Variants in GRID2 observed in about 807,000 individuals in gnomAD.
GRID2 encodes glutamate receptor ionotropic, delta-2.
GRID2 carries 33 observed loss-of-function variants against 114.8 expected under a neutral mutation model. The ratio of observed to expected loss-of-function variants is 0.29; its 90% confidence interval spans 0.22 to 0.38. GRID2 has a LOEUF of 0.38. Among genes scored for constraint, GRID2 ranks in the 10% least tolerant of loss-of-function variants. The probability of loss-of-function intolerance (pLI) is 1.00; values close to 1 mark genes in which losing one functional copy is unlikely to be tolerated. For synonymous variants in GRID2, 505 were observed against 449.9 expected, an observed-to-expected ratio of 1.12 and a Z score of -1.55; for missense variants, 1,184 against 1,257.7, an observed-to-expected ratio of 0.94 and a Z score of 0.89.
intron 2 of GRID2, among the ~76,000 whole-genome samples, chr4:92,878,009 C>T (rs1226978517): frequency 6.6e-6 from 1 of 152,092 alleles, no homozygotes. Flanking sequence ...TACAAATACT[C>T]AATTTGTACC....
At chr4:93,604,813 T>G (rs1221625160) in intron 13 of GRID2, among the ~76,000 whole-genome samples, 1 of 152,220 alleles carries the variant, frequency 6.6e-6, no homozygotes, top group Non-Finnish European at 1.5e-5. Flanking sequence ...TGTTAGCAGT[T>G]TTTAGCAATA....
At chr4:92,868,009 T>C (rs1744997939) in intron 2 of GRID2, among the ~76,000 whole-genome samples, 1 of 151,740 alleles carries the variant, frequency 6.6e-6, no homozygotes, top group African/African-American at 2.4e-5. Flanking sequence ...CAAATGATAC[T>C]GAAAGGTTTT....
At chr4:93,536,339 A>G (rs1732070299) in intron 13 of GRID2, among the ~76,000 whole-genome samples, 2 of 151,948 alleles carry the variant, frequency 1.3e-5, no homozygotes, top group Non-Finnish European at 2.9e-5. Flanking sequence ...ATAGTATGAT[A>G]CTGGCATAAA....
intron 13 of GRID2, among the ~76,000 whole-genome samples, chr4:93,566,589 G>A (rs1283866766): frequency 6.6e-6 from 1 of 152,026 alleles, no homozygotes; most frequent in Non-Finnish European, 1.5e-5. Flanking sequence ...GGGCAAAATG[G>A]CAAAACCCTG....
chr4:92,749,556 G>T (rs1385878025), intron 2 of GRID2, among the ~76,000 whole-genome samples: 1 of 151,962 alleles, frequency 6.6e-6, no homozygotes, highest in African/African-American at 2.4e-5. Context: ...CTCGTGATCC[G>T]CCCGCCTCGG....
chr4:92,455,560 C>T (rs556223728), intron 1 of GRID2, among the ~76,000 whole-genome samples: 6 of 152,118 alleles, frequency 3.9e-5, no homozygotes, highest in African/African-American at 1.4e-4. Context: ...AGAGGGAAAC[C>T]GCACAGGAAG....
chr4:92,966,605 A>G (rs900612031), intron 2 of GRID2, among the ~76,000 whole-genome samples: 2 of 151,990 alleles, frequency 1.3e-5, no homozygotes, highest in East Asian at 1.9e-4. Context: ...GTGGTGAATA[A>G]GTCTCACAAG....
chr4:93,538,089 G>A (rs142059076), intron 13 of GRID2, among the ~76,000 whole-genome samples: 1 of 151,654 alleles, frequency 6.6e-6, no homozygotes, highest in Non-Finnish European at 1.5e-5. Flanking sequence ...ATTAAAAATT[G>A]TATACTCAAA....
chr4:93,537,923 A>G (rs569220766), intron 13 of GRID2, among the ~76,000 whole-genome samples: 1 of 151,910 alleles, frequency 6.6e-6, no homozygotes, highest in Non-Finnish European at 1.5e-5. Context: ...GCAGTTACTA[A>G]ACAAATTTTC....
At chr4:92,712,868 A>G (rs1735322530) in intron 2 of GRID2, among the ~76,000 whole-genome samples, 1 of 152,184 alleles carries the variant, frequency 6.6e-6, no homozygotes, top group South Asian at 2.1e-4. Flanking sequence ...AAATGTTAAT[A>G]TTTGAGATCT....
chr4:93,354,846 G>T, intron 8 of GRID2, among the ~76,000 whole-genome samples: 1 of 144,260 alleles, frequency 6.9e-6, no homozygotes, highest in Admixed American at 7.1e-5. Flanking sequence ...TATATAAAAT[G>T]TTCAATAAGG....
intron 2 of GRID2, among the ~76,000 whole-genome samples, chr4:93,064,281 T>G (rs981094951): frequency 1.3e-5 from 2 of 151,648 alleles, no homozygotes; most frequent in African/African-American, 4.8e-5. Context: ...ATGCCTTTTT[T>G]TGTGTGTAAC....
intron 1 of GRID2, among the ~76,000 whole-genome samples, chr4:92,363,592 A>T (rs1426017140): frequency 6.6e-6 from 1 of 151,696 alleles, no homozygotes; most frequent in Non-Finnish European, 1.5e-5. Flanking sequence ...ACGGTGATTC[A>T]TTTTTTTTCT....
chr4:93,529,382 C>T (rs1731229092), intron 13 of GRID2, among the ~76,000 whole-genome samples: 2 of 152,210 alleles, frequency 1.3e-5, no homozygotes, highest in Non-Finnish European at 2.9e-5. Context: ...GGTCCAGCTG[C>T]ATCAGCACCA....
intron 2 of GRID2, among the ~76,000 whole-genome samples, chr4:92,704,030 A>T (rs138299182): frequency 1.6e-3 from 238 of 152,272 alleles, no homozygotes; most frequent in African/African-American, 5.3e-3. Flanking sequence ...GAATCCCAGC[A>T]CTTTTGGAGG....
At chr4:92,966,617 T>G (rs1753174249) in intron 2 of GRID2, among the ~76,000 whole-genome samples, 1 of 151,858 alleles carries the variant, frequency 6.6e-6, no homozygotes, top group Admixed American at 6.6e-5. Context: ...TCTCACAAGA[T>G]CTGATGTTTT....
At chr4:93,329,221 C>T (rs547157816) in intron 8 of GRID2, among the ~76,000 whole-genome samples, 1 of 152,126 alleles carries the variant, frequency 6.6e-6, no homozygotes, top group Admixed American at 6.5e-5. Context: ...GATAATGTCT[C>T]AATACAATTC....
chr4:93,040,146 T>A (rs144727979), intron 2 of GRID2, among the ~76,000 whole-genome samples: 1 of 152,094 alleles, frequency 6.6e-6, no homozygotes, highest in Non-Finnish European at 1.5e-5. Context: ...ATAGGATAGA[T>A]AGAGCAAATA....
chr4:92,905,799 TACAATCAG>T (rs1176231978), intron 2 of GRID2, among the ~76,000 whole-genome samples: 1 of 152,062 alleles, frequency 6.6e-6, no homozygotes, highest in Non-Finnish European at 1.5e-5. Flanking sequence ...GAGGTATTGC[TACAATCAG>T]ACAATCAGAG....
Sources: gnomAD v4.1 joint callset for allele counts (sites outside exome capture counted in the v4.1 genomes callset) on GRCh38, gnomAD v4.1.1 for gene constraint, MANE v1.5 for transcripts, NCBI Gene and HGNC (gene_info 2026-07-23, HGNC 2026-07-21) for gene names.